Variants in NEO1 observed in about 807,000 individuals in gnomAD.
The protein encoded by NEO1 is neogenin 1.
In NEO1, 63 loss-of-function variants were observed where a neutral mutation model predicts 159.7. That is an observed-to-expected ratio of 0.39 (90% CI 0.32 to 0.49). The LOEUF is 0.49. Among genes scored for constraint, NEO1 ranks in the 20% least tolerant of loss-of-function variants. The pLI is 0.85. For missense variants in NEO1, 1,615 were observed against 1,831.0 expected, an observed-to-expected ratio of 0.88 and a Z score of 2.15; for synonymous variants, 633 against 662.0, an observed-to-expected ratio of 0.96 and a Z score of 0.67.
At chr15:73,100,381 C>A (rs2070333911) in intron 1 of NEO1, among the ~76,000 whole-genome samples, 1 of 151,328 alleles carries the variant, frequency 6.6e-6, no homozygotes, top group Admixed American at 6.6e-5. Flanking sequence ...GTTGCCCAGG[C>A]TGGAGTGCAA....
chr15:73,122,928 G>A (rs1214565553), intron 3 of NEO1, 128 bp downstream of exon 3: 3 of 1,190,610 alleles, frequency 2.5e-6, no homozygotes, highest in Admixed American at 2.2e-5. Context: ...CCAGCACTTT[G>A]GGAGGTTGAA....
chr15:73,251,050 T>C (rs1315017619), intron 11 of NEO1, among the ~76,000 whole-genome samples: 1 of 152,198 alleles, frequency 6.6e-6, no homozygotes, highest in Admixed American at 6.5e-5. Context: ...ATCTCTCAGA[T>C]GATTCAGAAA....
chr15:73,158,819 C>T (rs1241461329), intron 5 of NEO1, among the ~76,000 whole-genome samples: 1 of 152,094 alleles, frequency 6.6e-6, no homozygotes, highest in African/African-American at 2.4e-5. Context: ...TTTTTCTTAT[C>T]CTTCTAGAGA....
At chr15:73,263,542 T>A (rs903437533) in intron 15 of NEO1, among the ~76,000 whole-genome samples, 3 of 152,086 alleles carry the variant, frequency 2.0e-5, no homozygotes, top group Admixed American at 6.5e-5. Flanking sequence ...ATTTATATTT[T>A]ATAATAAATA....
intron 1 of NEO1, among the ~76,000 whole-genome samples, chr15:73,096,027 C>T (rs1251941830): frequency 2.6e-5 from 4 of 151,916 alleles, no homozygotes; most frequent in East Asian, 1.9e-4. Context: ...TTGATGCTTA[C>T]GAAAAGTTTA....
intron 18 of NEO1, among the ~76,000 whole-genome samples, chr15:73,271,047 C>A (rs1360010292): frequency 1.3e-5 from 2 of 152,184 alleles, no homozygotes; most frequent in Non-Finnish European, 2.9e-5. Flanking sequence ...CATTTCAAAT[C>A]TCTGTCTATT....
intron 7 of NEO1, among the ~76,000 whole-genome samples, chr15:73,179,881 A>G (rs1011696156): frequency 9.3e-5 from 14 of 151,166 alleles, no homozygotes; most frequent in African/African-American, 3.4e-4. Flanking sequence ...ATATATATAC[A>G]CTGTTTTATA....
At chr15:73,223,787 A>G (rs954984362) in intron 7 of NEO1, among the ~76,000 whole-genome samples, 13 of 152,172 alleles carry the variant, frequency 8.5e-5, no homozygotes. Flanking sequence ...CAGTGTTCAT[A>G]TTGAGATGTG....
intron 8 of NEO1, among the ~76,000 whole-genome samples, chr15:73,241,821 CTA>C (rs2039499852): frequency 6.6e-6 from 1 of 152,120 alleles, no homozygotes; most frequent in African/African-American, 2.4e-5. Context: ...GTCAGATCAC[CTA>C]TGACTGATTT....
chr15:73,285,883 C>T (rs1157375734), intron 23 of NEO1, among the ~76,000 whole-genome samples: 1 of 152,108 alleles, frequency 6.6e-6, no homozygotes, highest in African/African-American at 2.4e-5. Context: ...TGTACTTCCC[C>T]TGTTTGAAGC....
At chr15:73,251,614 G>A (rs1232228066) in intron 11 of NEO1, among the ~76,000 whole-genome samples, 2 of 152,104 alleles carry the variant, frequency 1.3e-5, no homozygotes, top group Admixed American at 1.3e-4. Flanking sequence ...CAAGATACTG[G>A]GGAAAAGTTA....
rs146514698 is a variant in NEO1, at chr15:73,201,237, T to C, written c.1291+22810T>C. Among the ~76,000 whole-genome samples the C allele has an allele frequency of 4.6e-5, 7 of 151,820 alleles. No individual in the cohort carries two copies. The South Asian group carries it at 6.3e-4, about 14-fold the overall frequency. On this transcript the variant is annotated intron_variant, in intron 7 of 28. Coordinates refer to ENST00000261908, the MANE Select transcript of NEO1 (RefSeq NM_002499.4). ...TTGCTTTAGGCTTAATTTTCTCTTC[T>C]TTCTCTAGTTTCCCAAGGTATAATC... is the stretch of plus-strand genomic sequence containing the variant.
chr15:73,302,469 T>G, intron 28 of NEO1, 144 bp from the exon 29 acceptor site: 2 of 654,480 alleles, frequency 3.1e-6, no homozygotes, highest in Non-Finnish European at 5.3e-6. Flanking sequence ...TACTTTCCAC[T>G]CTTCTGAGCC....
Position 73,249,109 on chromosome 15 carries a change from T to A in NEO1, c.1656T>A (p.Pro552=). Reference sequence around the variant, plus strand: ...ACCTTCGTGCATATGCAGCTTCGCCTACCTCCATCACTGTTACGTGGGAAA... The same window carrying A: ...ACCTTCGTGCATATGCAGCTTCGCCAACCTCCATCACTGTTACGTGGGAAA... ...APNLRAYAAS[P]TSITVTWETP... Residue 552 remains proline (P), a synonymous_variant, in exon 10 of 29, where the codon CCT becomes CCA. Coordinates refer to ENST00000261908, the MANE Select transcript of NEO1 (RefSeq NM_002499.4). The A allele has an allele frequency of 6.2e-7, 1 of 1,614,130 alleles. No individual in the cohort carries two copies. The highest frequency in any genetic ancestry group is 8.5e-7 in the Non-Finnish European group (1 of 1,179,984).
intron 1 of NEO1, among the ~76,000 whole-genome samples, chr15:73,114,560 T>C (rs992962685): frequency 6.6e-6 from 1 of 152,220 alleles, no homozygotes. Context: ...TATACTTTTT[T>C]TCGTTGTTCA....
Position 73,230,026 on chromosome 15 carries a change from C to T in NEO1, c.1292-6321C>T, listed in dbSNP as rs112064233. Among the ~76,000 whole-genome samples, 88 of 152,086 alleles carry T rather than the reference C, an allele frequency of 5.8e-4. 1 individual carries two copies. The highest frequency in any genetic ancestry group is 1.6e-3 in the African/African-American group (68 of 41,498). On this transcript the variant is annotated intron_variant, in intron 7 of 28. Transcript: ENST00000261908. ...TGTCGTGTTTCTTTCTTTTCTTTGT[C>T]GGGCTTTGATAACAGAGTAATACTG...
chr15:73,286,586 A>G (rs2041957999), intron 23 of NEO1, among the ~76,000 whole-genome samples: 1 of 152,180 alleles, frequency 6.6e-6, no homozygotes. Flanking sequence ...TCCTCTGAGT[A>G]TCAGACTTGC....
In NEO1 at chr15:73,187,301, T is replaced by G. The variant is rs567017767; in HGVS notation, c.1291+8874T>G. 7.2e-5 allele frequency among the ~76,000 whole-genome samples: 11 copies of G among 152,314 alleles called. 1 individual carries two copies. The South Asian group carries it at 2.1e-3, about 29-fold the overall frequency. On this transcript the variant is annotated intron_variant, in intron 7 of 28. Coordinates refer to ENST00000261908, the MANE Select transcript of NEO1 (RefSeq NM_002499.4). ...TTTAACAGTTCCTTTTTGGAGTGAC[T>G]AGGGCACATTTCCTCCTCATTATTC...
At chr15:73,058,494 GT>G (rs888212837) in intron 1 of NEO1, among the ~76,000 whole-genome samples, 6 of 152,104 alleles carry the variant, frequency 3.9e-5, no homozygotes, top group Non-Finnish European at 2.9e-5. Context: ...TGTTTTTACT[GT>G]TTTGCTGTGA....
Sources: allele counts gnomAD v4.1 joint callset (sites outside exome capture counted in the v4.1 genomes callset), GRCh38; gene constraint gnomAD v4.1.1; transcripts MANE v1.5; gene names NCBI Gene and HGNC (gene_info 2026-07-23, HGNC 2026-07-21).